MAST4: variants seen among roughly 807,000 people sequenced by gnomAD.
MAST4 encodes the protein microtubule associated serine/threonine kinase family member 4, also known as microtubule-associated serine/threonine-protein kinase 4.
MAST4 carries 89 observed loss-of-function variants against 162.7 expected under a neutral mutation model. The ratio of observed to expected loss-of-function variants is 0.55; its 90% CI spans 0.46 to 0.65. MAST4 has a LOEUF of 0.65. Among genes scored for constraint, MAST4 ranks in the 30% least tolerant of loss-of-function variants. The pLI, the probability that MAST4 is intolerant of heterozygous loss-of-function variation, is 0.00. For missense variants in MAST4, 3,153 were observed against 3,374.0 expected (o/e 0.93, Z 1.62); for synonymous variants, 1,479 against 1,361.1 (o/e 1.09, Z -1.91).
At chr5:66,898,949 A>T (rs1330188615) in intron 3 of MAST4, among the ~76,000 whole-genome samples, 1 of 152,212 alleles carries the variant, frequency 6.6e-6, no homozygotes, top group Admixed American at 6.5e-5. Context: ...TATTCAATAA[A>T]AATAAGAGAC....
chr5:66,899,620 G>A (rs1561426709), intron 3 of MAST4, among the ~76,000 whole-genome samples: 1 of 152,142 alleles, frequency 6.6e-6, no homozygotes, highest in East Asian at 1.9e-4. Flanking sequence ...ATCCTGTTTG[G>A]ATAAGTTCTT....
chr5:66,854,023 A>G (rs911492683), intron 3 of MAST4, among the ~76,000 whole-genome samples: 3 of 152,212 alleles, frequency 2.0e-5, no homozygotes, highest in South Asian at 2.1e-4. Context: ...TGCTTTTTCC[A>G]CAAAGGCAGG....
rs376426870 is a variant in MAST4, at chr5:67,056,387, A to C, written c.763+1895A>C. Among the ~76,000 whole-genome samples the C allele has an allele frequency of 1.9e-3, 288 of 152,314 alleles. 2 individuals are homozygous for C. The highest frequency in any genetic ancestry group is 6.8e-3 in the African/African-American group (282 of 41,560). The stretch of plus-strand genomic sequence containing the variant: ...CACAGTGCGCAGCAGTGTATGCTAG[A>C]TGCTAAGTGAATGATGATTCTGTTT... On this transcript the variant is annotated intron_variant, in intron 5 of 28. Transcript: ENST00000403625.
At chr5:66,964,358 A>G (rs1003862155) in intron 4 of MAST4, among the ~76,000 whole-genome samples, 1 of 152,208 alleles carries the variant, frequency 6.6e-6, no homozygotes, top group African/African-American at 2.4e-5. Context: ...AGAATACACG[A>G]TAGAAAATAC....
chr5:66,777,217 A>G (rs1040145296), intron 2 of MAST4, among the ~76,000 whole-genome samples: 2 of 152,242 alleles, frequency 1.3e-5, no homozygotes, highest in Non-Finnish European at 2.9e-5. Context: ...AACAAGAACC[A>G]GGTATGCTCC....
chr5:66,821,429 A>G (rs757652296), intron 3 of MAST4, among the ~76,000 whole-genome samples: 2 of 152,194 alleles, frequency 1.3e-5, no homozygotes, highest in Non-Finnish European at 2.9e-5. Context: ...TGAGTGTAAT[A>G]TCTCCTGGTA....
intron 1 of MAST4, among the ~76,000 whole-genome samples, chr5:66,750,686 G>T (rs529782262): frequency 5.2e-4 from 79 of 152,216 alleles, no homozygotes; most frequent in Non-Finnish European, 9.6e-4. Context: ...AGCAGTCTGA[G>T]ATCAAACTGC....
intron 3 of MAST4, among the ~76,000 whole-genome samples, chr5:66,874,088 G>T (rs1218661796): frequency 6.6e-6 from 1 of 152,124 alleles, no homozygotes; most frequent in Non-Finnish European, 1.5e-5. Context: ...AGAGTAAAGG[G>T]TTAGGGGGAA....
chr5:66,846,551 G>T (rs1424127152), intron 3 of MAST4, among the ~76,000 whole-genome samples: 1 of 152,116 alleles, frequency 6.6e-6, no homozygotes, highest in African/African-American at 2.4e-5. Flanking sequence ...ATAGATTAAT[G>T]ACTTGAGTCC....
chr5:66,801,354 G>A (rs979200566), intron 3 of MAST4, among the ~76,000 whole-genome samples: 6 of 151,986 alleles, frequency 3.9e-5, no homozygotes, highest in African/African-American at 7.3e-5. Context: ...GAGTGTTTGC[G>A]GCTGTGACTA....
chr5:67,034,780 G>A (rs1190166355), intron 4 of MAST4, among the ~76,000 whole-genome samples: 1 of 152,144 alleles, frequency 6.6e-6, no homozygotes, highest in Non-Finnish European at 1.5e-5. Context: ...TAAAAGCTGG[G>A]AAAAGATGAC....
At chr5:66,970,971 G>C (rs909916114) in intron 4 of MAST4, among the ~76,000 whole-genome samples, 1 of 152,148 alleles carries the variant, frequency 6.6e-6, no homozygotes, top group African/African-American at 2.4e-5. Flanking sequence ...CTCCAGGTTT[G>C]ACCAACAGAT....
At chr5:67,067,702 C>T (rs1022834729) in intron 5 of MAST4, among the ~76,000 whole-genome samples, 4 of 152,002 alleles carry the variant, frequency 2.6e-5, no homozygotes, top group Admixed American at 6.6e-5. Context: ...ACTCTGGTTT[C>T]GAGCTGATTT....
intron 5 of MAST4, among the ~76,000 whole-genome samples, chr5:67,068,983 G>A (rs768329340): frequency 1.5e-4 from 23 of 151,554 alleles, no homozygotes; most frequent in African/African-American, 2.7e-4. Flanking sequence ...TAAGTATTCC[G>A]CTGACCCTCC....
intron 4 of MAST4, among the ~76,000 whole-genome samples, chr5:67,007,150 A>T (rs138079644): frequency 4.5e-4 from 69 of 152,230 alleles, no homozygotes; most frequent in Middle Eastern, 3.4e-3. Context: ...TCCTGTTATT[A>T]TACAGTGATC....
chr5:66,858,853 A>G (rs1759877365), intron 3 of MAST4, among the ~76,000 whole-genome samples: 1 of 152,070 alleles, frequency 6.6e-6, no homozygotes, highest in African/African-American at 2.4e-5. Flanking sequence ...TACACTTTTC[A>G]CTATATAGAT....
At position 67,118,704 on chromosome 5, in the gene MAST4, C is replaced by G; in HGVS notation, c.1614C>G (p.Tyr538Ter). The G allele has an allele frequency of 6.4e-7, 1 of 1,574,380 alleles. No individual in the cohort carries two copies. Among genetic ancestry groups the G allele is most frequent in the Non-Finnish European group, 8.6e-7 (1 of 1,156,694 alleles). Residue 538 changes from tyrosine to a stop codon, truncating the protein, a stop_gained, in exon 13 of 29, where the codon TAC becomes TAG. Transcript: ENST00000403625. LOFTEE classifies it high-confidence loss of function. ...PLEEMAHLGN[Y>*]DSGTAETPET... ...TAGAAATGGCTCATTTGGGAAACTA[C>G]GATAGTGGGACAGCAGAAACACCAG...
chr5:66,996,357 G>A (rs1417809732), intron 4 of MAST4, among the ~76,000 whole-genome samples: 1 of 152,008 alleles, frequency 6.6e-6, no homozygotes, highest in Non-Finnish European at 1.5e-5. Context: ...ATATCTTAAT[G>A]TAGATCATAG....
chr5:67,129,241 T>A (rs984972867), intron 14 of MAST4, among the ~76,000 whole-genome samples: 1 of 152,160 alleles, frequency 6.6e-6, no homozygotes, highest in Non-Finnish European at 1.5e-5. Context: ...GGGTAGCACA[T>A]GCTGAGGACT....
Sources: allele counts gnomAD v4.1 joint callset (sites outside exome capture counted in the v4.1 genomes callset), GRCh38; gene constraint gnomAD v4.1.1; transcripts MANE v1.5; gene names NCBI Gene and HGNC (gene_info 2026-07-23, HGNC 2026-07-21).